Variants in CDH13 observed in about 807,000 individuals in gnomAD.
The protein encoded by CDH13 is cadherin 13.
In CDH13, 24 loss-of-function variants were observed where a neutral mutation model predicts 63.8. That is an observed-to-expected ratio of 0.38 (90% CI 0.27 to 0.53). The LOEUF (loss-of-function observed/expected upper bound fraction) is 0.53. Ranked by LOEUF, CDH13 falls within the 20% of genes least tolerant of loss-of-function variation. The probability of loss-of-function intolerance (pLI) is 0.85; values close to 1 mark genes in which losing one functional copy is unlikely to be tolerated. For missense variants in CDH13, 1,049 were observed against 903.1 expected (o/e 1.16, Z -2.07); for synonymous variants, 503 against 355.3 (o/e 1.42, Z -4.67).
intron 4 of CDH13, among the ~76,000 whole-genome samples, chr16:83,191,919 C>A (rs2038727990): frequency 6.6e-6 from 1 of 152,070 alleles, no homozygotes; most frequent in Admixed American, 6.5e-5. Context: ...AGGATCAATA[C>A]TTTGCATCCT....
chr16:83,301,156 C>A (rs1410563811), intron 5 of CDH13, among the ~76,000 whole-genome samples: 8 of 150,910 alleles, frequency 5.3e-5, no homozygotes, highest in Admixed American at 2.6e-4. Flanking sequence ...CTCAGCCTCC[C>A]AAGTAGCTGG....
intron 5 of CDH13, among the ~76,000 whole-genome samples, chr16:83,284,150 TG>T (rs1454230130): frequency 6.6e-6 from 1 of 152,190 alleles, no homozygotes; most frequent in Non-Finnish European, 1.5e-5. Flanking sequence ...ATGTATTTCT[TG>T]TCATTCATGA....
intron 4 of CDH13, among the ~76,000 whole-genome samples, chr16:83,215,793 A>C (rs936466749): frequency 6.6e-6 from 1 of 152,160 alleles, no homozygotes; most frequent in South Asian, 2.1e-4. Flanking sequence ...GATCTGTATC[A>C]GCTTTCTTTT....
intron 1 of CDH13, among the ~76,000 whole-genome samples, chr16:82,634,139 C>G (rs978803678): frequency 6.6e-6 from 1 of 152,238 alleles, no homozygotes; most frequent in African/African-American, 2.4e-5. Flanking sequence ...AGGGCAGCAG[C>G]TGCTCAGCCA....
At chr16:82,687,599 T>A (rs1915208658) in intron 1 of CDH13, among the ~76,000 whole-genome samples, 1 of 152,156 alleles carries the variant, frequency 6.6e-6, no homozygotes, top group African/African-American at 2.4e-5. Flanking sequence ...ACTTATTCAC[T>A]ATCACAAGAA....
chr16:82,953,572 C>T (rs948478768), intron 2 of CDH13: 3 of 152,274 alleles, frequency 2.0e-5, no homozygotes, highest in South Asian at 2.1e-4. Context: ...TAATTCTGAT[C>T]AGCAGCTCTG....
At chr16:82,878,929 C>T (rs576850179) in intron 2 of CDH13, among the ~76,000 whole-genome samples, 1 of 152,228 alleles carries the variant, frequency 6.6e-6, no homozygotes, top group East Asian at 1.9e-4. Flanking sequence ...AGATCCTCAC[C>T]TTCTCTGAGG....
At chr16:83,036,799 A>G (rs1224995938) in intron 3 of CDH13, among the ~76,000 whole-genome samples, 6 of 152,096 alleles carry the variant, frequency 3.9e-5, no homozygotes, top group African/African-American at 7.2e-5. Context: ...CAGGCAGGAA[A>G]TCTGCAGTTC....
intron 3 of CDH13, among the ~76,000 whole-genome samples, chr16:83,107,854 C>A (rs1048453207): frequency 6.6e-6 from 1 of 151,462 alleles, no homozygotes; most frequent in Non-Finnish European, 1.5e-5. Context: ...GCATCTCGCT[C>A]TGTTGCCCAG....
chr16:82,769,792 A>G (rs1292234895), intron 1 of CDH13, among the ~76,000 whole-genome samples: 1 of 152,224 alleles, frequency 6.6e-6, no homozygotes, highest in Non-Finnish European at 1.5e-5. Context: ...ATCAGCAAGA[A>G]CACATTTACC....
At chr16:83,357,904 G>A (rs1187595293) in intron 6 of CDH13, among the ~76,000 whole-genome samples, 1 of 152,264 alleles carries the variant, frequency 6.6e-6, no homozygotes, top group East Asian at 1.9e-4. Context: ...TTAACAGTGA[G>A]CATTTTGCGA....
chr16:83,028,080 T>A (rs55700445), intron 2 of CDH13, among the ~76,000 whole-genome samples: 1 of 152,088 alleles, frequency 6.6e-6, no homozygotes, highest in South Asian at 2.1e-4. Flanking sequence ...CTCTACCCCA[T>A]TCACTCCCCA....
chr16:83,676,722 G>A (rs1478020109), intron 9 of CDH13, among the ~76,000 whole-genome samples: 1 of 152,210 alleles, frequency 6.6e-6, no homozygotes, highest in Non-Finnish European at 1.5e-5. Context: ...AGGAAGTCCA[G>A]TTACAACCAG....
intron 5 of CDH13, among the ~76,000 whole-genome samples, chr16:83,239,081 G>A (rs1218251518): frequency 6.6e-6 from 1 of 152,176 alleles, no homozygotes; most frequent in African/African-American, 2.4e-5. Flanking sequence ...TTGGTCAGGG[G>A]ACTGATGCTC....
chr16:83,738,973 C>G (rs985033140), intron 10 of CDH13, among the ~76,000 whole-genome samples: 3 of 152,138 alleles, frequency 2.0e-5, no homozygotes, highest in Admixed American at 6.5e-5. Flanking sequence ...AGAATTTGTT[C>G]TTATTCACCA....
intron 2 of CDH13, among the ~76,000 whole-genome samples, chr16:82,914,905 G>A (rs938670836): frequency 6.6e-6 from 1 of 152,180 alleles, no homozygotes. Flanking sequence ...GTCACCATGA[G>A]TATCAGGAAG....
chr16:83,059,396 A>G (rs1387393527), intron 3 of CDH13, among the ~76,000 whole-genome samples: 2 of 152,158 alleles, frequency 1.3e-5, no homozygotes, highest in African/African-American at 4.8e-5. Flanking sequence ...ATTTGCAGTC[A>G]TGTAAGCTTA....
chr16:83,674,922 A>T (rs1160712309), intron 9 of CDH13, among the ~76,000 whole-genome samples: 3 of 152,166 alleles, frequency 2.0e-5, no homozygotes, highest in African/African-American at 7.2e-5. Context: ...TTATTCCCCA[A>T]ACCTTTCACA....
At chr16:83,645,596 A>T (rs7185772) in intron 8 of CDH13, among the ~76,000 whole-genome samples, 3 of 151,866 alleles carry the variant, frequency 2.0e-5, no homozygotes, top group African/African-American at 4.8e-5. Flanking sequence ...GAACACCCCC[A>T]ACCTCCCGCA....
Sources: allele counts gnomAD v4.1 joint callset (sites outside exome capture counted in the v4.1 genomes callset), GRCh38; gene constraint gnomAD v4.1.1; transcripts MANE v1.5; gene names NCBI Gene and HGNC (gene_info 2026-07-23, HGNC 2026-07-21).